Variants in SUGCT observed in about 807,000 individuals in gnomAD.
SUGCT encodes the protein succinyl-CoA:glutarate-CoA transferase.
In SUGCT, 41 loss-of-function variants were observed where a neutral mutation model predicts 55.0. The ratio of observed to expected loss-of-function variants is 0.74; its 90% CI spans 0.58 to 0.97. The LOEUF (loss-of-function observed/expected upper bound fraction) is 0.97. SUGCT is among the 50% of genes least tolerant of loss of function. The pLI, the probability that SUGCT is intolerant of heterozygous loss-of-function variation, is 0.00. For missense variants in SUGCT, 568 were observed against 547.8 expected, an observed-to-expected ratio of 1.04 and a Z score of -0.37; for synonymous variants, 187 against 200.4, an observed-to-expected ratio of 0.93 and a Z score of 0.56.
chr7:40,864,123 C>T (rs1198072482), downstream of SUGCT, among the ~76,000 whole-genome samples: 1 of 152,146 alleles, frequency 6.6e-6, no homozygotes, highest in Admixed American at 6.5e-5. Context: ...TCCATACAGA[C>T]ACACCATGCC....
intron 6 of SUGCT, among the ~76,000 whole-genome samples, chr7:40,228,619 G>A (rs528894912): frequency 3.2e-4 from 48 of 152,194 alleles, no homozygotes; most frequent in African/African-American, 1.1e-3. Flanking sequence ...ATGTTGGCAG[G>A]CATTGATGAT....
At chr7:40,566,660 G>C (rs544385538) in intron 12 of SUGCT, among the ~76,000 whole-genome samples, 1 of 152,094 alleles carries the variant, frequency 6.6e-6, no homozygotes, top group Admixed American at 6.5e-5. Context: ...TAAGCTAAAT[G>C]CATTCTATTT....
chr7:40,899,722 C>G, the SUGCT span, among the ~76,000 whole-genome samples: 3 of 151,680 alleles, frequency 2.0e-5, no homozygotes, highest in Non-Finnish European at 2.9e-5. Flanking sequence ...AAATTAAACA[C>G]AAAACACCTA....
chr7:40,945,833 G>C, the SUGCT span, among the ~76,000 whole-genome samples: 1 of 152,156 alleles, frequency 6.6e-6, no homozygotes, highest in Admixed American at 6.5e-5. Flanking sequence ...CAGTGGGGCT[G>C]CCACACTACA....
Position 40,249,333 on chromosome 7 carries a change from A to C in SUGCT, c.576+11607A>C, listed in dbSNP as rs933131186. Among the ~76,000 whole-genome samples, 39 of 121,074 alleles carry C rather than the reference A, an allele frequency of 3.2e-4. 2 individuals are homozygous for C. Among genetic ancestry groups the C allele is most frequent in the African/African-American group, 9.2e-4 (28 of 30,356 alleles). The allele number at this position is 121,074 out of a possible 152,430, so 79.4% of individuals were successfully genotyped here. A position where few individuals can be genotyped will look rare whatever the true frequency, so the allele number is the denominator to read the frequency against. On this transcript the variant is annotated intron_variant, in intron 7 of 13. Coordinates refer to ENST00000335693, the MANE Select transcript of SUGCT (RefSeq NM_001193313.2). ...AAAAGCTATATATATATATATATAT[A>C]TATATATATATATAATTATATTATA...
chr7:40,860,393 A>G lies in SUGCT; in HGVS notation c.1231A>G (p.Ile411Val), dbSNP rs1433934047. 1.9e-6 allele frequency: 3 copies of G among 1,613,870 alleles called. No homozygotes were observed. In the Admixed American group the frequency reaches 5.0e-5, roughly 27 times the overall value. The change falls in exon 14 of 14, where the codon ATC (isoleucine) becomes GTC (valine). Residue 411 changes from isoleucine to valine, a missense_variant. Transcript: ENST00000335693. ...GCTGCTCGGGCAGCACACAACGCACATCCTGAAGGAGGTCCTGAGATACGA... is the reference window on the plus strand; with the variant it reads ...GCTGCTCGGGCAGCACACAACGCACGTCCTGAAGGAGGTCCTGAGATACGA... ...PPLLGQHTTH[I>V]LKEVLRYDDR...
the SUGCT span, among the ~76,000 whole-genome samples, chr7:40,982,384 A>G: frequency 5.9e-5 from 9 of 152,136 alleles, no homozygotes; most frequent in Non-Finnish European, 8.8e-5. Context: ...CCCTTACTGG[A>G]CTTTTAGGGT....
At chr7:40,905,413 A>T in the SUGCT span, among the ~76,000 whole-genome samples, 1 of 152,254 alleles carries the variant, frequency 6.6e-6, no homozygotes. Context: ...AAATAGAGCA[A>T]GCATAACTAA....
At chr7:40,945,848 AG>A in the SUGCT span, among the ~76,000 whole-genome samples, 3 of 152,100 alleles carry the variant, frequency 2.0e-5, no homozygotes, top group Non-Finnish European at 2.9e-5. Context: ...ACTACACTCC[AG>A]GCTGGTGATG....
At chr7:40,483,687 C>T (rs912351088) in intron 11 of SUGCT, among the ~76,000 whole-genome samples, 2 of 128,458 alleles carry the variant, frequency 1.6e-5, no homozygotes, top group African/African-American at 7.2e-5. Context: ...CATAAGAAGA[C>T]AGTTTCACTG....
At chr7:40,309,130 T>C (rs1795002123) in intron 8 of SUGCT, among the ~76,000 whole-genome samples, 1 of 152,220 alleles carries the variant, frequency 6.6e-6, no homozygotes, top group Non-Finnish European at 1.5e-5. Context: ...TGTGATTCTG[T>C]TGCATTTTCT....
intron 7 of SUGCT, among the ~76,000 whole-genome samples, chr7:40,274,073 C>CTTTTTTTTTTTTTTTTTTT (rs386409972): frequency 1.5e-5 from 1 of 68,016 alleles, no homozygotes; most frequent in Non-Finnish European, 2.5e-5. Flanking sequence ...TTTTTACCTT[C>CTTTTTTTTTTTTTTTTTTT]TTTTTTTTTT....
At chr7:40,272,661 A>T (rs71536675) in intron 7 of SUGCT, among the ~76,000 whole-genome samples, 20,360 of 136,560 alleles carry the variant, frequency 0.15, 1,795 homozygotes, top group South Asian at 0.19. Context: ...TATTATTATT[A>T]TTATTTTTTT....
chr7:40,724,088 A>G (rs952771028), intron 12 of SUGCT, among the ~76,000 whole-genome samples: 1 of 152,242 alleles, frequency 6.6e-6, no homozygotes, highest in Non-Finnish European at 1.5e-5. Context: ...AAGGCCTGGT[A>G]TGAGATCATT....
At chr7:40,238,881 C>T (rs773663493) in intron 7 of SUGCT, among the ~76,000 whole-genome samples, 5 of 149,866 alleles carry the variant, frequency 3.3e-5, no homozygotes, top group Non-Finnish European at 5.9e-5. Flanking sequence ...AGTGCAGTGG[C>T]GTGATCTCAG....
chr7:40,152,786 C>T (rs1180361017), intron 1 of SUGCT: 1 of 152,616 alleles, frequency 6.6e-6, no homozygotes, highest in Admixed American at 6.6e-5. Context: ...GCACAAACTC[C>T]ACCTCCCTGG....
At chr7:40,487,328 A>C (rs985640353) in intron 11 of SUGCT, among the ~76,000 whole-genome samples, 4 of 138,290 alleles carry the variant, frequency 2.9e-5, no homozygotes, top group Non-Finnish European at 4.5e-5. Flanking sequence ...GCTGGTCTCG[A>C]ACTCCTGACC....
intron 9 of SUGCT, among the ~76,000 whole-genome samples, chr7:40,440,885 C>A (rs1788478110): frequency 6.6e-6 from 1 of 151,864 alleles, no homozygotes; most frequent in Non-Finnish European, 1.5e-5. Context: ...TTAAACCTAG[C>A]AGTTTGAGAC....
intron 10 of SUGCT, 30 bp downstream of exon 10, chr7:40,449,388 G>T (rs1252648985): frequency 1.3e-6 from 2 of 1,555,142 alleles, no homozygotes; most frequent in Non-Finnish European, 1.8e-6. Flanking sequence ...ATTGGTCGAT[G>T]ATTTTGTACA....
Sources: gnomAD v4.1 joint callset for allele counts (sites outside exome capture counted in the v4.1 genomes callset) on GRCh38, gnomAD v4.1.1 for gene constraint, MANE v1.5 for transcripts, NCBI Gene and HGNC (gene_info 2026-07-23, HGNC 2026-07-21) for gene names.